Variants in FSTL4 observed in about 807,000 individuals in gnomAD.
FSTL4 encodes follistatin-related protein 4.
Under a neutral mutation model 78.2 loss-of-function variants are expected in FSTL4, and 28 were observed. That is an observed-to-expected ratio of 0.36 (90% CI 0.27 to 0.49). The LOEUF (loss-of-function observed/expected upper bound fraction) is 0.49. FSTL4 is among the 20% of genes least tolerant of loss of function. The pLI, the probability that FSTL4 is intolerant of heterozygous loss-of-function variation, is 0.98. For synonymous variants in FSTL4, 422 were observed against 440.5 expected (o/e 0.96, Z 0.53); for missense variants, 922 against 1,084.9 (o/e 0.85, Z 2.11).
At chr5:133,505,865 A>C (rs1185575323) in intron 3 of FSTL4, among the ~76,000 whole-genome samples, 1 of 152,386 alleles carries the variant, frequency 6.6e-6, no homozygotes, top group South Asian at 2.1e-4. Context: ...GAAACAAATC[A>C]GTTGCAAGAT....
the FSTL4 span, among the ~76,000 whole-genome samples, chr5:133,734,578 A>G: frequency 2.0e-4 from 30 of 152,342 alleles, 1 homozygote; most frequent in Admixed American, 2.0e-3. Flanking sequence ...ATGGGGAGTC[A>G]TTGCACTAAC....
chr5:133,544,337 G>A (rs566265288), intron 3 of FSTL4, among the ~76,000 whole-genome samples: 1 of 151,356 alleles, frequency 6.6e-6, no homozygotes, highest in Admixed American at 6.6e-5. Context: ...TTTCAGAAAT[G>A]TCTCCATTTT....
At chr5:133,572,066 A>G (rs1232279076) in intron 2 of FSTL4, among the ~76,000 whole-genome samples, 1 of 152,232 alleles carries the variant, frequency 6.6e-6, no homozygotes, top group Non-Finnish European at 1.5e-5. Flanking sequence ...CCCAAGCAAG[A>G]TAAATACAAA....
chr5:133,493,706 C>G (rs762060931), intron 3 of FSTL4, among the ~76,000 whole-genome samples: 2 of 152,182 alleles, frequency 1.3e-5, no homozygotes, highest in African/African-American at 4.8e-5. Flanking sequence ...CTTGCTCACT[C>G]GTCACTGCCT....
the FSTL4 span, among the ~76,000 whole-genome samples, chr5:133,781,673 T>A: frequency 2.0e-5 from 3 of 152,306 alleles, no homozygotes; most frequent in East Asian, 5.8e-4. Context: ...ACACTGTGTG[T>A]ACCCTGCTCA....
At chr5:133,668,102 G>A in the FSTL4 span, among the ~76,000 whole-genome samples, 1 of 152,204 alleles carries the variant, frequency 6.6e-6, no homozygotes, top group East Asian at 1.9e-4. Context: ...AGACTTTAGG[G>A]ATGATTTCAA....
intron 3 of FSTL4, among the ~76,000 whole-genome samples, chr5:133,420,619 G>A (rs867499861): frequency 1.3e-5 from 2 of 152,304 alleles, no homozygotes; most frequent in Middle Eastern, 3.4e-3. Context: ...TCAAATGATG[G>A]TGCCACCATA....
chr5:133,273,796 G>A (rs186761856), intron 6 of FSTL4, among the ~76,000 whole-genome samples: 4 of 152,230 alleles, frequency 2.6e-5, no homozygotes, highest in South Asian at 2.1e-4. Flanking sequence ...AGGGATAACA[G>A]GGAGCTCTGC....
intron 4 of FSTL4, among the ~76,000 whole-genome samples, chr5:133,322,105 A>G (rs1754073280): frequency 6.6e-6 from 1 of 152,050 alleles, no homozygotes; most frequent in African/African-American, 2.4e-5. Context: ...CCCCCTCCAT[A>G]GCTGGAAATT....
chr5:133,570,366 C>T (rs188526629), intron 2 of FSTL4, among the ~76,000 whole-genome samples: 3 of 151,892 alleles, frequency 2.0e-5, no homozygotes, highest in African/African-American at 7.2e-5. Context: ...ACTGTGGCCC[C>T]GGCTGGAGTG....
At chr5:133,342,377 T>A (rs971799038) in intron 4 of FSTL4, among the ~76,000 whole-genome samples, 1 of 152,146 alleles carries the variant, frequency 6.6e-6, no homozygotes. Context: ...AAAACAAAAC[T>A]GTGCCTCTGC....
chr5:133,317,410 C>G (rs574590040), intron 4 of FSTL4, among the ~76,000 whole-genome samples: 17 of 152,316 alleles, frequency 1.1e-4, no homozygotes, highest in African/African-American at 3.4e-4. Context: ...GCAGGAGTGT[C>G]AGCGGAGAGG....
At chr5:133,824,649 C>A in the FSTL4 span, among the ~76,000 whole-genome samples, 4 of 152,308 alleles carry the variant, frequency 2.6e-5, no homozygotes, top group African/African-American at 7.2e-5. Context: ...AGGCCCTGTG[C>A]CTTTCTCTGG....
intron 3 of FSTL4, among the ~76,000 whole-genome samples, chr5:133,525,219 T>C (rs544125447): frequency 4.6e-5 from 7 of 152,300 alleles, no homozygotes; most frequent in African/African-American, 1.7e-4. Context: ...AATTCGCTTA[T>C]CACGCACATT....
the FSTL4 span, among the ~76,000 whole-genome samples, chr5:133,624,767 G>A: frequency 6.6e-6 from 1 of 151,400 alleles, no homozygotes; most frequent in African/African-American, 2.4e-5. Context: ...TCAAAATTAT[G>A]TTAGCTATTC....
chr5:133,324,267 G>A (rs192144155), intron 4 of FSTL4, among the ~76,000 whole-genome samples: 81 of 152,278 alleles, frequency 5.3e-4, no homozygotes, highest in Non-Finnish European at 8.7e-4. Context: ...GGAGGGAGGC[G>A]TTGTGTAATG....
At chr5:133,789,943 T>C in the FSTL4 span, among the ~76,000 whole-genome samples, 6 of 152,172 alleles carry the variant, frequency 3.9e-5, no homozygotes, top group Admixed American at 6.5e-5. Context: ...TACATGCATT[T>C]TGGGGAGACA....
intron 2 of FSTL4, among the ~76,000 whole-genome samples, chr5:133,595,876 G>A (rs1760726841): frequency 6.6e-6 from 1 of 152,216 alleles, no homozygotes. Flanking sequence ...GGAACAAACA[G>A]ATTTTAGCCT....
intron 3 of FSTL4, among the ~76,000 whole-genome samples, chr5:133,506,582 C>T (rs1372762640): frequency 1.3e-5 from 2 of 152,150 alleles, no homozygotes; most frequent in Non-Finnish European, 2.9e-5. Flanking sequence ...GTTCATATAA[C>T]CGCTACACAG....
Sources: allele counts gnomAD v4.1 joint callset (sites outside exome capture counted in the v4.1 genomes callset), GRCh38; gene constraint gnomAD v4.1.1; transcripts MANE v1.5; gene names NCBI Gene and HGNC (gene_info 2026-07-23, HGNC 2026-07-21).